The following ATP2C1 variants were observed in gnomAD, a reference collection of about 807,000 sequenced individuals.
ATP2C1 encodes calcium-transporting ATPase type 2C member 1.
ATP2C1 carries 31 observed loss-of-function variants against 120.5 expected under a neutral mutation model. The ratio of observed to expected loss-of-function variants is 0.26; its 90% CI spans 0.19 to 0.35. The LOEUF is 0.35. ATP2C1 is among the 10% of genes least tolerant of loss of function. The pLI is 1.00. For synonymous variants in ATP2C1, 351 were observed against 358.7 expected (o/e 0.98, Z 0.24); for missense variants, 731 against 1,107.5 (o/e 0.66, Z 4.83).
chr3:130,954,326 C>A (rs901843366), intron 9 of ATP2C1, among the ~76,000 whole-genome samples: 14 of 152,150 alleles, frequency 9.2e-5, no homozygotes, highest in African/African-American at 3.4e-4. Flanking sequence ...TGATCGATTT[C>A]AAATGCTTCC....
chr3:130,910,455 A>G (rs2058350008), intron 2 of ATP2C1, among the ~76,000 whole-genome samples: 1 of 142,636 alleles, frequency 7.0e-6, no homozygotes, highest in Non-Finnish European at 1.5e-5. Flanking sequence ...CTCCTGCCTA[A>G]TTGCCCTGGC....
intron 2 of ATP2C1, among the ~76,000 whole-genome samples, chr3:130,923,259 C>T (rs1190167783): frequency 6.6e-6 from 1 of 151,342 alleles, no homozygotes; most frequent in Non-Finnish European, 1.5e-5. Flanking sequence ...CAGAGTCTTG[C>T]TCTGTTACCC....
At chr3:130,874,455 A>G (rs1230917276) in intron 1 of ATP2C1, among the ~76,000 whole-genome samples, 1 of 152,210 alleles carries the variant, frequency 6.6e-6, no homozygotes, top group Non-Finnish European at 1.5e-5. Flanking sequence ...TTATCATTTG[A>G]ATAATTCATA....
chr3:130,986,150 G>A (rs940768382), intron 20 of ATP2C1, among the ~76,000 whole-genome samples: 23 of 150,694 alleles, frequency 1.5e-4, no homozygotes, highest in African/African-American at 5.4e-4. Flanking sequence ...CTTTGTTTTT[G>A]GGGTGGGGAA....
chr3:130,939,210 GCT>G (rs1215547395), intron 6 of ATP2C1, among the ~76,000 whole-genome samples: 1 of 151,992 alleles, frequency 6.6e-6, no homozygotes, highest in Non-Finnish European at 1.5e-5. Flanking sequence ...TAATCAAAAA[GCT>G]CTTTATCAAA....
intron 8 of ATP2C1, among the ~76,000 whole-genome samples, chr3:130,942,008 C>G (rs937098298): frequency 6.6e-6 from 1 of 152,050 alleles, no homozygotes; most frequent in Non-Finnish European, 1.5e-5. Context: ...ACACAAATTA[C>G]TCACCATAAA....
At position 130,967,368 on chromosome 3, in the gene ATP2C1, T is replaced by C; in HGVS notation, c.1257T>C (p.Asn419=). The C allele has an allele frequency of 6.2e-7, 1 of 1,613,798 alleles. No individual in the cohort carries two copies. The change falls in exon 16 of 28, where the codon AAT becomes AAC. Residue 419 remains asparagine (N), a synonymous_variant. Coordinates refer to ENST00000510168, the MANE Select transcript of ATP2C1 (RefSeq NM_001378687.1). ...CVCNDAVIRN[N]TLMGKPTEGA... ...GCAATGATGCTGTAATTAGAAACAA[T>C]ACTCTAATGGGGAAGCCAACAGAAG...
chr3:130,950,399 T>C (rs2060320537), intron 8 of ATP2C1, among the ~76,000 whole-genome samples: 1 of 152,136 alleles, frequency 6.6e-6, no homozygotes, highest in South Asian at 2.1e-4. Flanking sequence ...TTTCACTTTA[T>C]CCTACCTTTC....
At chr3:131,010,695 T>A (rs1217207987) in intron 26 of ATP2C1, among the ~76,000 whole-genome samples, 1 of 152,238 alleles carries the variant, frequency 6.6e-6, no homozygotes, top group Non-Finnish European at 1.5e-5. Flanking sequence ...TTCTACCCTT[T>A]CCAGTGTGGC....
rs1055389145 is a variant in ATP2C1, at chr3:130,949,439, A to T, written c.532-4382A>T. 9.9e-5 allele frequency among the ~76,000 whole-genome samples: 15 copies of T among 152,188 alleles called. 1 individual carries two copies. Among genetic ancestry groups the T allele is most frequent in the Admixed American group, 9.2e-4 (14 of 15,262 alleles). ...GAGAAGTGAGGAAGCTGCCAAAGAA[A>T]AGTTTGAAGCTTGCAGAGATTGGTT... On this transcript the variant is annotated intron_variant, in intron 8 of 27. Transcript: ENST00000510168.
chr3:130,986,086 A>G (rs2061996958), intron 20 of ATP2C1, among the ~76,000 whole-genome samples: 2 of 151,926 alleles, frequency 1.3e-5, no homozygotes, highest in South Asian at 4.2e-4. Context: ...TTGGGATCAT[A>G]GATGACTGTT....
chr3:130,997,607 C>T lies in ATP2C1; in HGVS notation c.2245C>T (p.Leu749Phe). ...IIMDGPPAQS[L>F]GVEPVDKDVI... The stretch of plus-strand genomic sequence containing the variant: ...TTTATTTTTCTGTTTGTTTTTAAGC[C>T]TTGGAGTAGAACCAGTGGATAAAGA... The change falls in exon 25 of 28, where the codon CTT becomes TTT. Residue 749 changes from leucine to phenylalanine, a missense_variant and splice_region_variant. This residue lies in a region of ATP2C1 where 19 missense variants were observed against 60.0 expected (regional missense o/e 0.32). Coordinates refer to ENST00000510168, the MANE Select transcript of ATP2C1 (RefSeq NM_001378687.1). The T allele has an allele frequency of 6.2e-7, 1 of 1,612,926 alleles. No homozygotes were observed. The highest frequency in any genetic ancestry group is 8.5e-7 in the Non-Finnish European group (1 of 1,179,526).
At chr3:130,963,707 C>T (rs1576904537) in intron 12 of ATP2C1, 1 of 439,980 alleles carries the variant, frequency 2.3e-6, no homozygotes, top group East Asian at 4.8e-5. Flanking sequence ...AGCCCAGGAT[C>T]ACACAAGTAA....
At chr3:130,890,145 T>C (rs778726151), upstream of ATP2C1, among the ~76,000 whole-genome samples, 42 of 152,130 alleles carry the variant, frequency 2.8e-4, no homozygotes, top group Non-Finnish European at 4.9e-4. Context: ...GGGCCAGAGG[T>C]GAATTATGCT....
At chr3:130,968,611 G>A (rs961317147) in intron 16 of ATP2C1, among the ~76,000 whole-genome samples, 1 of 152,154 alleles carries the variant, frequency 6.6e-6, no homozygotes, top group Admixed American at 6.5e-5. Context: ...GTATTTGCAC[G>A]ACCAGGAGGA....
At chr3:130,906,590 T>C (rs1474649640) in intron 2 of ATP2C1, among the ~76,000 whole-genome samples, 2 of 152,016 alleles carry the variant, frequency 1.3e-5, no homozygotes, top group African/African-American at 2.4e-5. Context: ...ACTGCCATAG[T>C]GGTTGAACCA....
Position 130,937,998 on chromosome 3 carries a change from T to C in ATP2C1, c.360+535T>C, listed in dbSNP as rs890799415. Among the ~76,000 whole-genome samples, 4 of 152,194 alleles carry C rather than the reference T, an allele frequency of 2.6e-5. No homozygotes were observed. The South Asian group carries it at 8.3e-4, about 31-fold the overall frequency. On this transcript the variant is annotated intron_variant, in intron 6 of 27. Transcript: ENST00000510168. ...ATCACTTAACCTTATTTTATTTGAGTCTGTTTTGAGGAATTAAAATGGTTC... is the reference window on the plus strand; with the variant it reads ...ATCACTTAACCTTATTTTATTTGAGCCTGTTTTGAGGAATTAAAATGGTTC...
chr3:130,858,460 A>G (rs1331633161), intron 1 of ATP2C1, among the ~76,000 whole-genome samples: 3 of 152,206 alleles, frequency 2.0e-5, no homozygotes, highest in Non-Finnish European at 4.4e-5. Flanking sequence ...TAACTCCTTT[A>G]GAGCAGCCTT....
chr3:130,941,775 G>A, intron 8 of ATP2C1, 76 bp downstream of exon 8: 1 of 1,202,660 alleles, frequency 8.3e-7, no homozygotes, highest in South Asian at 1.2e-5. Context: ...TAGTTTTAAG[G>A]AATTAACACA....
Sources: gnomAD v4.1 joint callset for allele counts (sites outside exome capture counted in the v4.1 genomes callset) on GRCh38, gnomAD v4.1.1 for gene constraint, gnomAD v4.1.1 regional missense constraint, MANE v1.5 for transcripts, NCBI Gene and HGNC (gene_info 2026-07-23, HGNC 2026-07-21) for gene names.